The following PIK3C2A variants were observed in gnomAD, a reference collection of about 807,000 sequenced individuals.
The protein encoded by PIK3C2A is phosphatidylinositol-4-phosphate 3-kinase catalytic subunit type 2 alpha.
PIK3C2A carries 97 observed loss-of-function variants against 204.5 expected under a neutral mutation model. The observed-to-expected ratio is 0.47, with a 90% CI of 0.40 to 0.56. PIK3C2A has a LOEUF of 0.56. Among genes scored for constraint, PIK3C2A ranks in the 20% least tolerant of loss-of-function variants. The pLI is 0.00. For missense variants in PIK3C2A, 1,735 were observed against 1,969.2 expected (o/e 0.88, Z 2.25); for synonymous variants, 653 against 664.4 (o/e 0.98, Z 0.26).
intron 1 of PIK3C2A, among the ~76,000 whole-genome samples, chr11:17,180,893 A>G (rs567148381): frequency 6.6e-6 from 1 of 152,306 alleles, no homozygotes; most frequent in Admixed American, 6.5e-5. Context: ...CATGAACCCA[A>G]CTCAGGTTTT....
intron 1 of PIK3C2A, among the ~76,000 whole-genome samples, chr11:17,175,452 T>C (rs769721537): frequency 3.3e-5 from 5 of 152,210 alleles, no homozygotes; most frequent in Non-Finnish European, 5.9e-5. Flanking sequence ...GGCTGCTGCA[T>C]TGACATGCTC....
intron 24 of PIK3C2A, among the ~76,000 whole-genome samples, 200 bp from the exon 25 acceptor site, chr11:17,101,634 T>C (rs982071308): frequency 4.0e-5 from 6 of 150,398 alleles, no homozygotes; most frequent in Non-Finnish European, 8.9e-5. Flanking sequence ...GACAGAGTCC[T>C]GCTCTGTCGC....
chr11:17,174,075 C>G (rs927779632), intron 1 of PIK3C2A, among the ~76,000 whole-genome samples: 1 of 151,964 alleles, frequency 6.6e-6, no homozygotes, highest in Non-Finnish European at 1.5e-5. Context: ...ATCCACCTGC[C>G]TCGGCCTCCC....
intron 12 of PIK3C2A, 149 bp downstream of exon 12, chr11:17,131,767 C>A: frequency 1.4e-6 from 1 of 697,442 alleles, no homozygotes; most frequent in Non-Finnish European, 2.5e-6. Flanking sequence ...TCTATAAAAT[C>A]ATATCTAGAA....
Position 17,118,664 on chromosome 11 carries a change from T to A in PIK3C2A, c.3016A>T (p.Ile1006Leu). The change falls in exon 18 of 33, where the codon ATA becomes TTA. Residue 1006 changes from isoleucine to leucine, a missense_variant. By Grantham distance (5) the Ile-to-Leu change is conservative. Around this residue, in one of 6 missense-constraint regions of PIK3C2A, gnomAD observed 567 missense variants for 576.0 expected, o/e 0.98. Transcript: ENST00000691414. ...LLSRALGNIQIAHNLYWLLKD... is the reference protein window; with the variant it reads ...LLSRALGNIQLAHNLYWLLKD... ...TCTTACCAATATAAATTGTGTGCTA[T>A]CTGGATATTTCCCAATGCCCTGGAC... The A allele has an allele frequency of 6.7e-7, 1 of 1,484,492 alleles. No homozygotes were observed. Among genetic ancestry groups the A allele is most frequent in the Non-Finnish European group, 9.4e-7 (1 of 1,066,194 alleles). 92.0% of individuals were successfully genotyped at this position (1,484,492 alleles called of 1,614,324 possible).
At chr11:17,147,376 T>G in intron 6 of PIK3C2A, 141 bp downstream of exon 6, 1 of 591,714 alleles carries the variant, frequency 1.7e-6, no homozygotes, top group South Asian at 2.3e-5. Flanking sequence ...CCTCATTTGC[T>G]AAGAAGATTC....
intron 1 of PIK3C2A, among the ~76,000 whole-genome samples, chr11:17,184,182 A>G (rs1477934838): frequency 6.6e-6 from 1 of 151,506 alleles, no homozygotes; most frequent in Non-Finnish European, 1.5e-5. Context: ...AATATTTCCT[A>G]TATTTTTCAT....
intron 26 of PIK3C2A, 71 bp from the exon 27 acceptor site, chr11:17,097,335 G>T (rs138446082): frequency 2.2e-6 from 2 of 912,372 alleles, no homozygotes; most frequent in African/African-American, 1.7e-5. Flanking sequence ...TGTAATAAAT[G>T]ACAAAAACCA....
intron 1 of PIK3C2A, among the ~76,000 whole-genome samples, chr11:17,171,842 C>T (rs1851176662): frequency 6.6e-6 from 1 of 152,118 alleles, no homozygotes; most frequent in South Asian, 2.1e-4. Context: ...AACTCCTGGC[C>T]TCAAGCAAGC....
At chr11:17,100,249 CGGGGGGGG>C (rs71047528) in intron 25 of PIK3C2A, among the ~76,000 whole-genome samples, 3 of 46,492 alleles carry the variant, frequency 6.5e-5, no homozygotes, top group Non-Finnish European at 1.2e-4. Flanking sequence ...TTTTTGGGGG[CGGGGGGGG>C]GGGGCAGGGA....
intron 17 of PIK3C2A, 83 bp from the exon 18 acceptor site, chr11:17,118,822 T>C (rs1170972146): frequency 2.9e-6 from 2 of 679,368 alleles, no homozygotes; most frequent in East Asian, 2.6e-5. Flanking sequence ...AGAAACTATA[T>C]AAAGCAAGTA....
intron 1 of PIK3C2A, among the ~76,000 whole-genome samples, chr11:17,176,228 A>G (rs1275625685): frequency 6.6e-6 from 1 of 151,778 alleles, no homozygotes; most frequent in Non-Finnish European, 1.5e-5. Context: ...GCTGGTCTCA[A>G]ACCCCTGACC....
chr11:17,136,429 T>G, intron 9 of PIK3C2A, 53 bp downstream of exon 9: 1 of 1,376,062 alleles, frequency 7.3e-7, no homozygotes, highest in Non-Finnish European at 1.0e-6. Context: ...AAAAATCTCC[T>G]GTTTAAGTAC....
chr11:17,171,584 T>C (rs939038372), intron 1 of PIK3C2A, among the ~76,000 whole-genome samples: 2 of 152,246 alleles, frequency 1.3e-5, no homozygotes, highest in Non-Finnish European at 2.9e-5. Context: ...GTGTATTATT[T>C]TGCAATTCCT....
At chr11:17,152,164 A>ATGTAG (rs1850443710) in intron 3 of PIK3C2A, among the ~76,000 whole-genome samples, 1 of 152,158 alleles carries the variant, frequency 6.6e-6, no homozygotes, top group Non-Finnish European at 1.5e-5. Context: ...TGTGAATGTA[A>ATGTAG]TTATGTCACT....
At position 17,168,660 on chromosome 11, in the gene PIK3C2A, G is replaced by A. The variant is rs1851053203; in HGVS notation, c.1065+17C>T. 1 of 1,433,198 alleles carries A rather than the reference G, an allele frequency of 7.0e-7. No individual in the cohort carries two copies. Among genetic ancestry groups the A allele is most frequent in the Non-Finnish European group, 9.5e-7 (1 of 1,053,212 alleles). The allele number at this position is 1,433,198 out of a possible 1,614,324, so 88.8% of individuals were successfully genotyped here. A position where few individuals can be genotyped will look rare whatever the true frequency, so the allele number is the denominator to read the frequency against. On this transcript the variant is annotated intron_variant, in intron 2 of 32. Transcript: ENST00000691414. ...GTGTTATACTAAGTTTGAGAAGTTA[G>A]TAAGAAAAGACTATACCTGAGATAT...
chr11:17,131,951 G>C lies in PIK3C2A; in HGVS notation c.2196C>G (p.Tyr732Ter). The C allele has an allele frequency of 6.3e-7, 1 of 1,598,716 alleles. No individual in the cohort carries two copies. The highest frequency in any genetic ancestry group is 8.5e-7 in the Non-Finnish European group (1 of 1,171,036). The change falls in exon 12 of 33, where the codon TAC becomes TAG. Residue 732 changes from tyrosine (Y) to a stop codon, truncating the protein, a stop_gained. Transcript: ENST00000691414. LOFTEE classifies it high-confidence loss of function. ...KPIQSKKVGTYKNFFYLIKWD... is the reference protein window; with the variant it reads ...KPIQSKKVGT ...ATTTAATAAGATAGAAGAAATTCTT[G>C]TAAGTGCCAACCTTCTTTGATTGAA... is the stretch of plus-strand genomic sequence containing the variant.
chr11:17,110,989 T>C (rs556968895), intron 21 of PIK3C2A, among the ~76,000 whole-genome samples: 165 of 152,140 alleles, frequency 1.1e-3, no homozygotes, highest in African/African-American at 3.7e-3. Context: ...CTCACTGCAA[T>C]CTCCGCCTCC....
chr11:17,187,241 G>T (rs1450067551), intron 1 of PIK3C2A, among the ~76,000 whole-genome samples: 1 of 152,106 alleles, frequency 6.6e-6, no homozygotes, highest in East Asian at 1.9e-4. Context: ...ATGAAGACTG[G>T]TATCAAATAA....
Sources: allele counts gnomAD v4.1 joint callset (sites outside exome capture counted in the v4.1 genomes callset), GRCh38; gene constraint gnomAD v4.1.1; regional missense constraint gnomAD v4.1.1; transcripts MANE v1.5; gene names NCBI Gene and HGNC (gene_info 2026-07-23, HGNC 2026-07-21).